The following LOC400499 variants were observed in gnomAD, a reference collection of about 807,000 sequenced individuals.
chr16:11,462,083 G>A, the LOC400499 span: 19 of 1,447,410 alleles, frequency 1.3e-5, 1 homozygote, highest in South Asian at 2.3e-4. Flanking sequence ...CCTGGCCACA[G>A]AGCAGAGGGG....
chr16:11,385,081 G>A, the LOC400499 span: 16 of 1,232,224 alleles, frequency 1.3e-5, no homozygotes, highest in Non-Finnish European at 1.6e-5. Flanking sequence ...GGCCAGAGGG[G>A]GCTGGGCAGG....
chr16:11,494,436 G>T, the LOC400499 span: 1 of 395,764 alleles, frequency 2.5e-6, no homozygotes, highest in East Asian at 3.6e-5. Flanking sequence ...GGGTTGAAGT[G>T]GGGAAGGGGG....
chr16:11,432,074 AC>A, the LOC400499 span, among the ~76,000 whole-genome samples: 1 of 152,232 alleles, frequency 6.6e-6, no homozygotes, highest in Non-Finnish European at 1.5e-5. Context: ...AGGGGGATGC[AC>A]ATGGAAGAGC....
At chr16:11,396,675 C>T in the LOC400499 span, 1 of 1,231,958 alleles carries the variant, frequency 8.1e-7, no homozygotes, top group Non-Finnish European at 1.0e-6. Flanking sequence ...ACCAAGAGGG[C>T]CTGGGACGAG....
chr16:11,414,421 C>T, the LOC400499 span: 24 of 399,650 alleles, frequency 6.0e-5, 1 homozygote, highest in South Asian at 1.4e-3. Flanking sequence ...CAGTGGGCCA[C>T]GTCGTGGCCG....
the LOC400499 span, chr16:11,380,724 G>A: frequency 6.6e-6 from 1 of 152,176 alleles, no homozygotes; most frequent in African/African-American, 2.4e-5. Flanking sequence ...CCCTAAGGGA[G>A]GGAGAGGACC....
chr16:11,411,475 C>T, the LOC400499 span: 1 of 396,894 alleles, frequency 2.5e-6, no homozygotes, highest in Admixed American at 4.4e-5. Flanking sequence ...GCTATTCACA[C>T]ACCCCGAGGC....
the LOC400499 span, chr16:11,460,926 C>A: frequency 1.3e-6 from 2 of 1,497,184 alleles, no homozygotes; most frequent in African/African-American, 2.8e-5. Flanking sequence ...GGCCCTGCCA[C>A]CTCCACCTGC....
At chr16:11,473,142 A>C in the LOC400499 span, 1 of 148,400 alleles carries the variant, frequency 6.7e-6, no homozygotes, top group African/African-American at 2.5e-5. Context: ...TAAATAAATA[A>C]AATAAAAATG....
the LOC400499 span, chr16:11,401,322 G>T: frequency 8.0e-5 from 32 of 399,148 alleles, no homozygotes; most frequent in Non-Finnish European, 7.5e-5. Context: ...TCGGCTTGCC[G>T]CCAAGGGAGG....
At chr16:11,384,332 G>T in the LOC400499 span, 1 of 1,228,122 alleles carries the variant, frequency 8.1e-7, no homozygotes, top group Non-Finnish European at 1.0e-6. Flanking sequence ...ATGCCTGTGG[G>T]GAAGAGGGAA....
the LOC400499 span, chr16:11,450,864 G>C: frequency 6.7e-7 from 1 of 1,498,084 alleles, no homozygotes; most frequent in Non-Finnish European, 9.0e-7. Context: ...GGGGTAGAGA[G>C]GAAGCTTCTA....
At chr16:11,398,250 G>A in the LOC400499 span, 21 of 1,093,838 alleles carry the variant, frequency 1.9e-5, no homozygotes, top group Admixed American at 1.3e-4. Flanking sequence ...TGGCTGCCTC[G>A]CTCACACCCC....
the LOC400499 span, among the ~76,000 whole-genome samples, chr16:11,393,157 C>CG: frequency 8.6e-4 from 102 of 118,000 alleles, 4 homozygotes; most frequent in African/African-American, 2.9e-3. Flanking sequence ...CCTGGCCACC[C>CG]CCCCCCCTTT....
At chr16:11,457,104 C>T in the LOC400499 span, 117 of 1,443,994 alleles carry the variant, frequency 8.1e-5, no homozygotes, top group African/African-American at 4.2e-4. Context: ...AGAATGTGCC[C>T]GGGAAGTTGA....
chr16:11,495,912 C>T, the LOC400499 span, among the ~76,000 whole-genome samples: 4 of 152,334 alleles, frequency 2.6e-5, no homozygotes, highest in African/African-American at 7.2e-5. Flanking sequence ...GATACCAACA[C>T]TCACGGCTTC....
the LOC400499 span, chr16:11,391,832 C>T: frequency 1.6e-6 from 2 of 1,232,238 alleles, no homozygotes. Context: ...GGAGGCCTGC[C>T]ACGCCGTCCA....
the LOC400499 span, among the ~76,000 whole-genome samples, chr16:11,387,583 G>A: frequency 6.6e-6 from 1 of 152,156 alleles, no homozygotes; most frequent in Non-Finnish European, 1.5e-5. Context: ...CGGGTCTTGG[G>A]CAGCATGGGC....
At chr16:11,393,668 G>T in the LOC400499 span, 2 of 937,690 alleles carry the variant, frequency 2.1e-6, no homozygotes, top group Non-Finnish European at 2.8e-6. Context: ...GCTGCTGTTG[G>T]ACCTGTAGGG....
Sources: allele counts gnomAD v4.1 joint callset (sites outside exome capture counted in the v4.1 genomes callset), GRCh38; gene constraint gnomAD v4.1.1; transcripts MANE v1.5.